SLCO3A1: variants seen among roughly 807,000 people sequenced by gnomAD.
The protein encoded by SLCO3A1 is solute carrier organic anion transporter family member 3A1.
In SLCO3A1, 27 loss-of-function variants were observed where a neutral mutation model predicts 63.1. That is an observed-to-expected ratio of 0.43 (90% CI 0.32 to 0.59). SLCO3A1 has a LOEUF of 0.59. SLCO3A1 is among the 20% of genes least tolerant of loss of function. SLCO3A1 has a pLI of 0.09. For synonymous variants in SLCO3A1, 473 were observed against 409.9 expected, an observed-to-expected ratio of 1.15 and a Z score of -1.86; for missense variants, 773 against 945.8, an observed-to-expected ratio of 0.82 and a Z score of 2.40.
chr15:92,130,519 C>CA (rs1467155533), intron 7 of SLCO3A1, among the ~76,000 whole-genome samples: 1 of 152,162 alleles, frequency 6.6e-6, no homozygotes, highest in East Asian at 1.9e-4. Context: ...CCCTGGCTTC[C>CA]AACAAGTGGA....
intron 7 of SLCO3A1, among the ~76,000 whole-genome samples, chr15:92,140,804 C>G (rs902351152): frequency 3.3e-5 from 5 of 152,184 alleles, no homozygotes; most frequent in Non-Finnish European, 4.4e-5. Context: ...ATTGCAACCT[C>G]TGCCTTTTTT....
At chr15:92,061,951 C>A (rs1221905870) in intron 2 of SLCO3A1, among the ~76,000 whole-genome samples, 1 of 152,202 alleles carries the variant, frequency 6.6e-6, no homozygotes, top group Non-Finnish European at 1.5e-5. Flanking sequence ...GTGGCAGTCA[C>A]GCATCTGCCA....
In SLCO3A1 at chr15:92,119,912, G is replaced by A. The variant is rs572284004; in HGVS notation, c.1010-553G>A. 1.8e-4 allele frequency among the ~76,000 whole-genome samples: 28 copies of A among 152,330 alleles called. No homozygotes were observed. In the South Asian group the frequency reaches 5.4e-3, roughly 29 times the overall value. On this transcript the variant is annotated intron_variant, in intron 4 of 9. Coordinates refer to ENST00000318445, the MANE Select transcript of SLCO3A1 (RefSeq NM_013272.4). ...AGAGAGGTAGCCATGAAGATGGCAA[G>A]AAGGGGTTTTATTAGGCATGTACAC...
At chr15:91,966,545 AT>A (rs1038803481) in intron 2 of SLCO3A1, among the ~76,000 whole-genome samples, 1 of 152,238 alleles carries the variant, frequency 6.6e-6, no homozygotes, top group Non-Finnish European at 1.5e-5. Flanking sequence ...GCTTCTGAAC[AT>A]TTCAGGATAT....
intron 7 of SLCO3A1, 42 bp from the exon 8 acceptor site, chr15:92,146,942 G>GGAA (rs1182379049): frequency 1.3e-6 from 2 of 1,546,684 alleles, no homozygotes; most frequent in African/African-American, 1.4e-5. Flanking sequence ...TTTGGAAACC[G>GGAA]GAAGTACCCC....
rs1238717911 is a variant in SLCO3A1, at chr15:92,164,963, A to G, written c.*1828A>G. On this transcript the variant is annotated 3_prime_UTR_variant, in exon 10 of 10. Transcript: ENST00000318445. ...ATTCCTGGCGCTGGAAAAAAAACTCAAAGGTTGATTGGTTTGCTTTTTCAC... is the reference window on the plus strand; with the variant it reads ...ATTCCTGGCGCTGGAAAAAAAACTCGAAGGTTGATTGGTTTGCTTTTTCAC... The G allele has an allele frequency of 5.3e-6, 5 of 948,710 alleles. No individual in the cohort carries two copies. In the African/African-American group the frequency reaches 1.0e-4, roughly 19 times the overall value. 58.8% of individuals were successfully genotyped at this position (948,710 alleles called of 1,614,324 possible).
At chr15:92,104,985 A>G (rs1366068864) in intron 4 of SLCO3A1, among the ~76,000 whole-genome samples, 2 of 142,232 alleles carry the variant, frequency 1.4e-5, no homozygotes, top group African/African-American at 5.0e-5. Flanking sequence ...AATCCCAGCC[A>G]CCGCGCCCGG....
Position 91,916,486 on chromosome 15 carries a change from A to G in SLCO3A1, c.646+28A>G, listed in dbSNP as rs1048133094. 4 of 1,521,586 alleles carry G rather than the reference A, an allele frequency of 2.6e-6. No individual in the cohort carries two copies. The highest frequency in any genetic ancestry group is 4.1e-5 in the Admixed American group (2 of 48,196). The allele number at this position is 1,521,586 out of a possible 1,614,324, so 94.3% of individuals were successfully genotyped here. On this transcript the variant is annotated intron_variant, in intron 2 of 9. Transcript: ENST00000318445. The surrounding 1 kb of genome is among the most constrained non-coding windows in gnomAD (Gnocchi z 6.2). ...AGGAGCTGCCCCAGCCGTATTAGCA[A>G]GAGACCAGGGTGTGTTGACCATGGA...
intron 1 of SLCO3A1, among the ~76,000 whole-genome samples, chr15:91,896,282 G>A (rs1898001235): frequency 6.6e-6 from 1 of 152,162 alleles, no homozygotes. Flanking sequence ...CCTGGATGAG[G>A]ACTCAGAGTG....
intron 7 of SLCO3A1, among the ~76,000 whole-genome samples, chr15:92,143,398 T>A (rs1440700229): frequency 0.014 from 33 of 2,300 alleles, 15 homozygotes; most frequent in African/African-American, 0.1. Context: ...ATATATTATA[T>A]AATATATATA....
At chr15:92,117,070 G>C (rs750646197) in intron 4 of SLCO3A1, among the ~76,000 whole-genome samples, 1 of 152,170 alleles carries the variant, frequency 6.6e-6, no homozygotes, top group African/African-American at 2.4e-5. Context: ...AATCCTTCCC[G>C]CTGAAGTGGA....
downstream of SLCO3A1, among the ~76,000 whole-genome samples, chr15:92,168,429 A>T (rs1160808329): frequency 1.3e-5 from 2 of 152,192 alleles, no homozygotes; most frequent in East Asian, 3.9e-4. Context: ...TTCTCAACTG[A>T]TGTAGTACTG....
chr15:92,045,668 C>T (rs772779537), intron 2 of SLCO3A1, among the ~76,000 whole-genome samples: 19 of 152,124 alleles, frequency 1.2e-4, no homozygotes, highest in Non-Finnish European at 2.4e-4. Flanking sequence ...TAACAAATGT[C>T]CCTATTTCCT....
At chr15:91,866,568 C>CT (rs201803530) in intron 1 of SLCO3A1, among the ~76,000 whole-genome samples, 4 of 142,196 alleles carry the variant, frequency 2.8e-5, no homozygotes, top group Non-Finnish European at 6.1e-5. Context: ...GCACAGGCTC[C>CT]TTTTTTTAAA....
intron 8 of SLCO3A1, among the ~76,000 whole-genome samples, chr15:92,147,953 A>G (rs1032368949): frequency 2.6e-5 from 4 of 152,204 alleles, no homozygotes; most frequent in Admixed American, 2.6e-4. Flanking sequence ...ATGGTGGCTC[A>G]TGCCTGTAAT....
In SLCO3A1 at chr15:91,865,867, A is replaced by G. The variant is rs7166146; in HGVS notation, c.180+11779A>G. On this transcript the variant is annotated intron_variant, in intron 1 of 9. Coordinates refer to ENST00000318445, the MANE Select transcript of SLCO3A1 (RefSeq NM_013272.4). The surrounding 1 kb of genome is among the most constrained non-coding windows in gnomAD (Gnocchi z 4.6). ...GGAAAACAAATCAATTCATAACACC[A>G]GAGAAGAAAAGAGCAAAGGATCCTA... 0.27 allele frequency among the ~76,000 whole-genome samples: 41,735 copies of G among 152,170 alleles called. 6,155 individuals carry two copies. Among genetic ancestry groups the G allele is most frequent in the African/African-American group, 0.35 (14,684 of 41,504 alleles).
chr15:91,896,863 A>G (rs1024360162), intron 1 of SLCO3A1, among the ~76,000 whole-genome samples: 30 of 152,220 alleles, frequency 2.0e-4, no homozygotes, highest in African/African-American at 7.2e-4. Flanking sequence ...GACATGCTGT[A>G]TCTTGTAAGA....
intron 2 of SLCO3A1, among the ~76,000 whole-genome samples, chr15:92,086,771 T>C (rs977392902): frequency 1.3e-5 from 2 of 152,082 alleles, no homozygotes; most frequent in Non-Finnish European, 2.9e-5. Context: ...AGGTCAAAAG[T>C]TCAGGACCAG....
Position 92,033,937 on chromosome 15 carries a change from G to C in SLCO3A1, c.647-60944G>C, listed in dbSNP as rs756803886. 2.6e-5 allele frequency among the ~76,000 whole-genome samples: 4 copies of C among 151,972 alleles called. No individual in the cohort carries two copies. Among genetic ancestry groups the C allele is most frequent in the Admixed American group, 6.5e-5 (1 of 15,276 alleles). On this transcript the variant is annotated intron_variant, in intron 2 of 9. Coordinates refer to ENST00000318445, the MANE Select transcript of SLCO3A1 (RefSeq NM_013272.4). This position sits in a 1 kb window ranked among gnomAD's most constrained non-coding sequence, Gnocchi z 4.5. ...GTTGATGAGCTGGGAGCAGGCGCAT[G>C]GGTGGGACCCAGTGAGGGAGGGGGA...
Sources: allele counts gnomAD v4.1 joint callset (sites outside exome capture counted in the v4.1 genomes callset), GRCh38; gene constraint gnomAD v4.1.1; non-coding constraint Gnocchi (gnomAD v3.1); transcripts MANE v1.5; gene names NCBI Gene and HGNC (gene_info 2026-07-23, HGNC 2026-07-21).